ELFN1: variants seen among roughly 807,000 people sequenced by gnomAD.
The protein encoded by ELFN1 is extracellular leucine rich repeat and fibronectin type III domain containing 1.
ELFN1 carries 6 observed loss-of-function variants against 7.6 expected under a neutral mutation model. The ratio of observed to expected loss-of-function variants is 0.79; its 90% confidence interval spans 0.43 to 1.56. ELFN1 has a LOEUF of 1.56. ELFN1 is among the 40% of genes most tolerant of loss of function. The pLI is 0.01. For synonymous variants in ELFN1, 657 were observed against 588.1 expected (o/e 1.12, Z -1.70); for missense variants, 1,169 against 1,232.2 (o/e 0.95, Z 0.77).
rs774654763 is a variant in ELFN1, at chr7:1,745,828, G to C, written c.1232G>C (p.Ser411Thr). 3 of 1,576,362 alleles carry C rather than the reference G, an allele frequency of 1.9e-6. No individual in the cohort carries two copies. The highest frequency in any genetic ancestry group is 2.7e-5 in the African/African-American group (2 of 73,874). Residue 411 changes from serine to threonine, a missense_variant, in exon 4 of 4, where the codon AGC becomes ACC. Ser to Thr is a moderately conservative substitution (Grantham distance 58, BLOSUM62 1). Around this residue, in one of 2 missense-constraint regions of ELFN1, gnomAD observed 914 missense variants for 872.6 expected, o/e 1.05. Coordinates refer to ENST00000424383, the MANE Select transcript of ELFN1 (RefSeq NM_001128636.4). ...CCCAGCCCGCCTGGTCCGGTGCCCA[G>C]CCCCTCCACGGCCACCCACTACATC... ...RLPSPPGPVP[S>T]PSTATHYIMT...
At chr7:1,697,547 C>G (rs1046484514) in intron 2 of ELFN1, among the ~76,000 whole-genome samples, 18 of 152,350 alleles carry the variant, frequency 1.2e-4, no homozygotes, top group African/African-American at 4.1e-4. Flanking sequence ...TTCCCACTGG[C>G]CTTGTCTTAG....
At chr7:1,717,364 G>A (rs1339134850) in intron 3 of ELFN1, among the ~76,000 whole-genome samples, 2 of 152,214 alleles carry the variant, frequency 1.3e-5, no homozygotes, top group Non-Finnish European at 2.9e-5. Flanking sequence ...ATGGCCCTGA[G>A]ATGCCATGAG....
intron 2 of ELFN1, among the ~76,000 whole-genome samples, chr7:1,697,630 G>C (rs1029510706): frequency 2.0e-5 from 3 of 151,968 alleles, no homozygotes; most frequent in African/African-American, 7.3e-5. Context: ...AACAACTGCT[G>C]TGTGATCTGA....
intron 3 of ELFN1, among the ~76,000 whole-genome samples, chr7:1,713,856 A>G (rs1435868644): frequency 6.6e-6 from 1 of 150,928 alleles, no homozygotes; most frequent in Non-Finnish European, 1.5e-5. Context: ...CCTGCGTGCC[A>G]CTCCCCCAGC....
intron 3 of ELFN1, among the ~76,000 whole-genome samples, chr7:1,723,471 A>G (rs1780087118): frequency 6.6e-6 from 1 of 151,910 alleles, no homozygotes; most frequent in African/African-American, 2.4e-5. Flanking sequence ...AGTGGGATCC[A>G]CTCTGTGCAC....
rs181792123 is a variant in ELFN1 at position 1,740,927 on chromosome 7, C to T, written c.-293-3377C>T. ...GGTGGATCACCTGAGGTCAGGAGTT[C>T]GAAACCAGCCTGACCAATATGGTGA... On this transcript the variant is annotated intron_variant, in intron 3 of 3. Transcript: ENST00000424383. The surrounding 1 kb of genome is among the most constrained non-coding windows in gnomAD (Gnocchi z 5.0). 5.9e-5 allele frequency among the ~76,000 whole-genome samples: 9 copies of T among 152,210 alleles called. No homozygotes were observed. The highest frequency in any genetic ancestry group is 9.6e-5 in the African/African-American group (4 of 41,536).
rs896753802 is a variant in ELFN1, at chr7:1,735,477, T to C, written c.-293-8827T>C. Among the ~76,000 whole-genome samples the C allele has an allele frequency of 1.3e-5, 2 of 152,002 alleles. No individual in the cohort carries two copies. The highest frequency in any genetic ancestry group is 4.8e-5 in the African/African-American group (2 of 41,396). Reference sequence around the variant, plus strand: ...GGCAAGGCGGAGGTCAGGGGCCTGCTAGACCCAACCCTGCGGCCATGTCCC... The same window carrying C: ...GGCAAGGCGGAGGTCAGGGGCCTGCCAGACCCAACCCTGCGGCCATGTCCC... On this transcript the variant is annotated intron_variant, in intron 3 of 3. Transcript: ENST00000424383. The surrounding 1 kb of genome is among the most constrained non-coding windows in gnomAD (Gnocchi z 5.9).
chr7:1,680,637 A>C (rs1291717348), intron 1 of ELFN1, among the ~76,000 whole-genome samples: 1 of 151,942 alleles, frequency 6.6e-6, no homozygotes, highest in Non-Finnish European at 1.5e-5. Context: ...CACAACCATA[A>C]CTACATACCA....
At chr7:1,680,047 G>A (rs1272167621) in intron 1 of ELFN1, among the ~76,000 whole-genome samples, 4 of 152,222 alleles carry the variant, frequency 2.6e-5, no homozygotes, top group East Asian at 3.9e-4. Flanking sequence ...TGGGAGTTAC[G>A]CATTAGAAGT....
chr7:1,727,911 C>T (rs551014102), intron 3 of ELFN1, among the ~76,000 whole-genome samples: 62 of 152,262 alleles, frequency 4.1e-4, no homozygotes, highest in African/African-American at 1.2e-3. Flanking sequence ...CCTCACCTCC[C>T]CTAGTCCTTA....
At chr7:1,687,421 A>G (rs906541154) in intron 1 of ELFN1, among the ~76,000 whole-genome samples, 5 of 151,988 alleles carry the variant, frequency 3.3e-5, no homozygotes, top group Non-Finnish European at 7.4e-5. Flanking sequence ...AGTGAAATTT[A>G]TGTAGGAACC....
At chr7:1,686,536 T>C (rs1779065544) in intron 1 of ELFN1, among the ~76,000 whole-genome samples, 1 of 152,028 alleles carries the variant, frequency 6.6e-6, no homozygotes. Context: ...ATTACCTCTG[T>C]GTTTGCATAG....
At chr7:1,688,454 T>G (rs1779097958) in intron 2 of ELFN1, among the ~76,000 whole-genome samples, 1 of 152,178 alleles carries the variant, frequency 6.6e-6, no homozygotes, top group East Asian at 1.9e-4. Context: ...GGAGCTTTAT[T>G]GTTTTACACC....
intron 3 of ELFN1, among the ~76,000 whole-genome samples, chr7:1,719,801 C>A (rs1160809547): frequency 1.3e-5 from 2 of 152,070 alleles, no homozygotes; most frequent in Admixed American, 1.3e-4. Flanking sequence ...CCTCTGCAAA[C>A]CCTTCCCCAC....
intron 3 of ELFN1, among the ~76,000 whole-genome samples, chr7:1,719,980 C>T (rs1373680745): frequency 2.0e-5 from 3 of 151,722 alleles, no homozygotes; most frequent in African/African-American, 7.3e-5. Flanking sequence ...CCTCCCCCAC[C>T]ATCACCTCTG....
intron 3 of ELFN1, among the ~76,000 whole-genome samples, chr7:1,728,389 T>C (rs1265043796): frequency 6.6e-6 from 1 of 152,266 alleles, no homozygotes; most frequent in Non-Finnish European, 1.5e-5. Context: ...TGCTGTGTTA[T>C]TAGAGAGATT....
chr7:1,685,078 T>C (rs959247417), intron 1 of ELFN1, among the ~76,000 whole-genome samples: 1 of 152,204 alleles, frequency 6.6e-6, no homozygotes, highest in African/African-American at 2.4e-5. Flanking sequence ...ATCTGTAATG[T>C]TTTTAGTTTG....
At position 1,674,184 on chromosome 7, in the gene ELFN1, G is replaced by A. The variant is rs555719233; in HGVS notation, c.-549+3830G>A. On this transcript the variant is annotated intron_variant, in intron 1 of 3. Transcript: ENST00000424383. The stretch of plus-strand genomic sequence containing the variant: ...GGGCCATGAGGGGTGCCCAGGAGCC[G>A]GTGGGGAAACTGAGGCAGAGAGGAC... Among the ~76,000 whole-genome samples the A allele has an allele frequency of 3.0e-4, 45 of 150,654 alleles. 1 individual carries two copies. The highest frequency in any genetic ancestry group is 8.6e-4 in the South Asian group (4 of 4,676).
rs867918790 is a variant in ELFN1, at chr7:1,745,997, C to T, written c.1401C>T (p.Ile467=). The T allele has an allele frequency of 1.0e-5, 16 of 1,544,088 alleles. No homozygotes were observed. Among genetic ancestry groups the T allele is most frequent in the Admixed American group, 5.9e-5 (3 of 50,608 alleles). Reference sequence around the variant, plus strand: ...CTGGCAGCCTCAAGAAGACCATCATCGAGCTCAAGTACGGGCCAGAGCTGG... The same window carrying T: ...CTGGCAGCCTCAAGAAGACCATCATTGAGCTCAAGTACGGGCCAGAGCTGG... ...AAAGSLKKTI[I]ELKYGPELEA... Residue 467 remains isoleucine (I), a synonymous_variant, in exon 4 of 4, where the codon ATC becomes ATT. Transcript: ENST00000424383.
Sources: gnomAD v4.1 joint callset for allele counts (sites outside exome capture counted in the v4.1 genomes callset) on GRCh38, gnomAD v4.1.1 for gene constraint, gnomAD v4.1.1 regional missense constraint, Gnocchi (gnomAD v3.1) non-coding constraint, MANE v1.5 for transcripts, NCBI Gene and HGNC (gene_info 2026-07-23, HGNC 2026-07-21) for gene names.